Variants in LRCH2 observed in about 807,000 individuals in gnomAD.
The protein encoded by LRCH2 is leucine-rich repeat and calponin homology domain-containing protein 2.
LRCH2 carries 38 observed loss-of-function variants against 68.9 expected under a neutral mutation model. That is an observed-to-expected ratio of 0.55 (90% CI 0.43 to 0.72). The LOEUF (loss-of-function observed/expected upper bound fraction) is 0.72, where lower values mean the gene tolerates loss of function less well. Ranked by LOEUF, LRCH2 falls within the 30% of genes least tolerant of loss-of-function variation. The pLI, the probability that LRCH2 is intolerant of heterozygous loss-of-function variation, is 0.00. For synonymous variants in LRCH2, 191 were observed against 208.1 expected (o/e 0.92, Z 0.71); for missense variants, 528 against 572.9 (o/e 0.92, Z 0.80).
intron 8 of LRCH2, 75 bp downstream of exon 8, chrX:115,165,766 A>G (rs2072554365): frequency 1.0e-6 from 1 of 954,839 alleles, no homozygotes; most frequent in African/African-American, 2.0e-5. Flanking sequence ...GCTAAAGACA[A>G]TATAATTTTT....
intron 1 of LRCH2, among the ~76,000 whole-genome samples, chrX:115,218,938 G>C (rs1460343667): frequency 2.7e-5 from 3 of 112,182 alleles, no homozygotes; most frequent in Non-Finnish European, 5.6e-5. Context: ...ACTGGCAACA[G>C]TTTGACTTTG....
intron 3 of LRCH2, among the ~76,000 whole-genome samples, chrX:115,181,489 G>A (rs1329244500): frequency 3.6e-5 from 4 of 112,444 alleles, no homozygotes; most frequent in African/African-American, 9.7e-5. Flanking sequence ...CATTTCCCAA[G>A]AGAAATAAAC....
At chrX:115,211,882 A>G (rs2073009980) in intron 1 of LRCH2, among the ~76,000 whole-genome samples, 1 of 112,309 alleles carries the variant, frequency 8.9e-6, no homozygotes, top group Admixed American at 9.4e-5. Flanking sequence ...CAATTTACCA[A>G]TTCAAAATTG....
intron 12 of LRCH2, among the ~76,000 whole-genome samples, chrX:115,151,993 T>G (rs781866952): frequency 5.7e-4 from 63 of 111,335 alleles, no homozygotes; most frequent in African/African-American, 1.9e-3. Context: ...GAGGCATCCC[T>G]CAAATTTTCA....
At chrX:115,210,812 C>A (rs1251516565) in intron 1 of LRCH2, among the ~76,000 whole-genome samples, 1 of 112,043 alleles carries the variant, frequency 8.9e-6, no homozygotes, top group African/African-American at 3.2e-5. Context: ...CCTCTTGCAT[C>A]AGCGTGACCT....
At chrX:115,146,002 A>G (rs962888945) in intron 14 of LRCH2, among the ~76,000 whole-genome samples, 2 of 112,295 alleles carry the variant, frequency 1.8e-5, no homozygotes, top group Non-Finnish European at 1.9e-5. Context: ...ATTTATTGCA[A>G]AACTATTCAC....
intron 1 of LRCH2, among the ~76,000 whole-genome samples, chrX:115,202,612 G>GC (rs1281295843): frequency 5.3e-5 from 6 of 112,213 alleles, no homozygotes; most frequent in Non-Finnish European, 9.4e-5. Context: ...GCAATTGCAA[G>GC]CCTGGGTATT....
intron 2 of LRCH2, among the ~76,000 whole-genome samples, chrX:115,184,758 C>G (rs1315348205): frequency 8.9e-6 from 1 of 111,774 alleles, no homozygotes; most frequent in African/African-American, 3.3e-5. Context: ...TAGTTATTAT[C>G]TCCATTATAC....
At chrX:115,134,032 G>C (rs1429643651) in intron 14 of LRCH2, among the ~76,000 whole-genome samples, 1 of 112,229 alleles carries the variant, frequency 8.9e-6, no homozygotes, top group African/African-American at 3.2e-5. Context: ...ACTCATTCCA[G>C]TGAACACACC....
In LRCH2 at chrX:115,190,841, G is replaced by C. The variant is rs868973872; in HGVS notation, c.350-2471C>G. ...TCCAGCTGGAGCGACTGCTGCGGAGGAGGAGGCCGTTATGAGGAGTACCAA... is the reference window on the plus strand; with the variant it reads ...TCCAGCTGGAGCGACTGCTGCGGAGCAGGAGGCCGTTATGAGGAGTACCAA... On this transcript the variant is annotated intron_variant, in intron 1 of 20. Coordinates refer to ENST00000317135, the MANE Select transcript of LRCH2 (RefSeq NM_020871.4). The C allele has an allele frequency of 1.0e-4, 117 of 1,151,687 alleles. No individual in the cohort carries two copies. Among genetic ancestry groups the C allele is most frequent in the Non-Finnish European group, 1.3e-4 (112 of 864,917 alleles). The allele number at this position is 1,151,687 out of a possible 1,213,427, so 94.9% of individuals were successfully genotyped here.
At chrX:115,118,651 C>T (rs2072106256) in intron 20 of LRCH2, among the ~76,000 whole-genome samples, 1 of 111,143 alleles carries the variant, frequency 9.0e-6, no homozygotes, top group Non-Finnish European at 1.9e-5. Context: ...AGAGGGAATC[C>T]TCCCTAACTC....
intron 1 of LRCH2, chrX:115,190,661 C>G: frequency 1.9e-6 from 1 of 519,324 alleles, no homozygotes; most frequent in African/African-American, 6.0e-5. Context: ...CGCAACAGTT[C>G]CAGCAACAGT....
intron 20 of LRCH2, among the ~76,000 whole-genome samples, chrX:115,121,899 T>C (rs782745909): frequency 9.0e-6 from 1 of 111,436 alleles, no homozygotes; most frequent in Non-Finnish European, 1.9e-5. Context: ...TTTCTCTCCA[T>C]AGTCATTCAT....
chrX:115,189,760 T>G, intron 1 of LRCH2: 1 of 1,166,640 alleles, frequency 8.6e-7, no homozygotes, highest in Admixed American at 2.6e-5. Flanking sequence ...TCGCTCAAGG[T>G]TCTCACACAG....
chrX:115,135,539 T>TA (rs1331540928), intron 14 of LRCH2, among the ~76,000 whole-genome samples: 3 of 111,864 alleles, frequency 2.7e-5, no homozygotes, highest in African/African-American at 9.7e-5. Flanking sequence ...ATTTTTAAGG[T>TA]AGAATTTACT....
At chrX:115,164,474 G>A (rs1006646597) in intron 10 of LRCH2, among the ~76,000 whole-genome samples, 1 of 111,434 alleles carries the variant, frequency 9.0e-6, no homozygotes, top group Non-Finnish European at 1.9e-5. Context: ...GATGAGGTGA[G>A]AAAGTAAAAG....
At position 115,185,621 on chromosome X, in the gene LRCH2, G is replaced by A. The variant is rs996384015; in HGVS notation, c.495-1084C>T. On this transcript the variant is annotated intron_variant, in intron 2 of 20. Coordinates refer to ENST00000317135, the MANE Select transcript of LRCH2 (RefSeq NM_020871.4). ...GCAACAAAAGTCCAGTGTTACTCAA[G>A]GGGGACTTGAAAGACCCTCCTCCCC... Among the ~76,000 whole-genome samples the A allele has an allele frequency of 5.7e-4, 6 of 10,497 alleles. No individual in the cohort carries two copies. The East Asian group carries it at 0.058, about 101-fold the overall frequency. The allele number at this position is 10,497 out of a possible 115,157, so 9.1% of individuals were successfully genotyped here.
intron 16 of LRCH2, chrX:115,126,290 A>T (rs1252058350): frequency 9.0e-6 from 1 of 111,628 alleles, no homozygotes; most frequent in African/African-American, 3.3e-5. Context: ...ACAAACTCTA[A>T]CTTTCTGATA....
chrX:115,144,198 T>A (rs1556535301), intron 14 of LRCH2, among the ~76,000 whole-genome samples: 1 of 111,859 alleles, frequency 8.9e-6, no homozygotes. Flanking sequence ...TCCACCATGA[T>A]TGTGAGGCCT....
Sources: allele counts gnomAD v4.1 joint callset (sites outside exome capture counted in the v4.1 genomes callset), GRCh38; gene constraint gnomAD v4.1.1; transcripts MANE v1.5; gene names NCBI Gene and HGNC (gene_info 2026-07-23, HGNC 2026-07-21).